LNX2: variants seen among roughly 807,000 people sequenced by gnomAD.
LNX2 encodes the protein ligand of Numb protein X 2.
LNX2 carries 35 observed loss-of-function variants against 66.2 expected under a neutral mutation model. The ratio of observed to expected loss-of-function variants is 0.53; its 90% CI spans 0.40 to 0.70. LNX2 has a LOEUF of 0.70. LNX2 is among the 30% of genes least tolerant of loss of function. The pLI, the probability that LNX2 is intolerant of heterozygous loss-of-function variation, is 0.00. For synonymous variants in LNX2, 337 were observed against 315.6 expected, an observed-to-expected ratio of 1.07 and a Z score of -0.72; for missense variants, 791 against 850.8, an observed-to-expected ratio of 0.93 and a Z score of 0.87.
intron 1 of LNX2, among the ~76,000 whole-genome samples, chr13:27,616,745 G>C (rs1171830596): frequency 2.0e-5 from 3 of 152,180 alleles, no homozygotes; most frequent in Non-Finnish European, 4.4e-5. Context: ...ATGAGCACTT[G>C]CTTGTTAAAA....
chr13:27,616,192 G>GGA (rs1555270612), intron 1 of LNX2, among the ~76,000 whole-genome samples: 1 of 150,666 alleles, frequency 6.6e-6, no homozygotes, highest in Non-Finnish European at 1.5e-5. Flanking sequence ...GGGGTTGGGG[G>GGA]GGGTAGCAGG....
chr13:27,569,315 AAAAC>A lies in LNX2; in HGVS notation c.408-43_408-40del, dbSNP rs754922329. 13 of 1,586,460 alleles carry A rather than the reference AAAAC, an allele frequency of 8.2e-6. No individual in the cohort carries two copies. In the East Asian group the frequency reaches 1.1e-4, roughly 14 times the overall value. Reference sequence around the variant, plus strand: ...ATCAGATGGTTTCCAGATGATTTTGAAAACAAACAAACAAATAAAATAGGGAGGG... The same window carrying A: ...ATCAGATGGTTTCCAGATGATTTTGAAAACAAACAAATAAAATAGGGAGGG... On this transcript the variant is annotated intron_variant, in intron 2 of 9. Transcript: ENST00000316334.
chr13:27,550,604 A>G, intron 8 of LNX2, 113 bp from the exon 9 acceptor site: 5 of 697,020 alleles, frequency 7.2e-6, no homozygotes, highest in South Asian at 2.1e-5. Flanking sequence ...AAAAAGAAAA[A>G]GGGCTATTAA....
intron 1 of LNX2, among the ~76,000 whole-genome samples, chr13:27,612,181 A>C (rs1039286943): frequency 1.3e-5 from 2 of 152,242 alleles, no homozygotes; most frequent in African/African-American, 2.4e-5. Context: ...AGTTGGATAA[A>C]AGGGTTTGTA....
At chr13:27,598,960 C>A (rs561610563) in intron 1 of LNX2, among the ~76,000 whole-genome samples, 8 of 152,092 alleles carry the variant, frequency 5.3e-5, no homozygotes, top group Non-Finnish European at 1.0e-4. Flanking sequence ...GCTGGATGGA[C>A]CTCATTTCTC....
rs1335320857 is a variant in LNX2 at position 27,620,500 on chromosome 13, C to G, written c.-226G>C. Reference sequence around the variant, plus strand: ...CCGGCTCCGCTCCGCCAGGAATCGCCGCCGCCGCCGCCGCCGCCGCGGATT... The same window carrying G: ...CCGGCTCCGCTCCGCCAGGAATCGCGGCCGCCGCCGCCGCCGCCGCGGATT... On this transcript the variant is annotated 5_prime_UTR_variant, in exon 1 of 10. Coordinates refer to ENST00000316334, the MANE Select transcript of LNX2 (RefSeq NM_153371.4). The G allele has an allele frequency of 1.2e-5, 2 of 168,336 alleles. No homozygotes were observed. Among genetic ancestry groups the G allele is most frequent in the African/African-American group, 2.7e-5 (1 of 37,264 alleles). 10.4% of individuals were successfully genotyped at this position (168,336 alleles called of 1,614,324 possible).
At chr13:27,551,507 A>G (rs1955007456) in intron 8 of LNX2, among the ~76,000 whole-genome samples, 1 of 151,940 alleles carries the variant, frequency 6.6e-6, no homozygotes, top group Non-Finnish European at 1.5e-5. Context: ...ATGATAAGGA[A>G]AAAAAAACTC....
chr13:27,571,220 G>T (rs993756311), intron 2 of LNX2, among the ~76,000 whole-genome samples: 12 of 152,120 alleles, frequency 7.9e-5, no homozygotes, highest in Non-Finnish European at 1.8e-4. Flanking sequence ...GACAAAGAGT[G>T]CAAACTTAAC....
At chr13:27,613,726 C>A (rs1955797935) in intron 1 of LNX2, among the ~76,000 whole-genome samples, 1 of 152,064 alleles carries the variant, frequency 6.6e-6, no homozygotes, top group Non-Finnish European at 1.5e-5. Context: ...CGAGACTGTG[C>A]CACTGCACTC....
rs111639798 is a variant in LNX2 at position 27,581,610 on chromosome 13, T to C, written c.94A>G (p.Thr32Ala). The change falls in exon 2 of 10, where the codon ACA becomes GCA. Residue 32 changes from threonine to alanine, a missense_variant. By Grantham distance (58) the Thr-to-Ala change is moderately conservative. Transcript: ENST00000316334. ...TAATTGTACAAATGGTTTTCTCTTG[T>C]CCAGTGCTGTTGGCCACATTCAAAA... ...LCFECGQQHW[T>A]RENHLYNYQN... The C allele has an allele frequency of 1.9e-6, 3 of 1,614,140 alleles. No individual in the cohort carries two copies. Among genetic ancestry groups the C allele is most frequent in the Non-Finnish European group, 2.5e-6 (3 of 1,180,014 alleles).
At chr13:27,563,511 TC>T (rs1324951318) in intron 4 of LNX2, among the ~76,000 whole-genome samples, 1 of 152,122 alleles carries the variant, frequency 6.6e-6, no homozygotes, top group Non-Finnish European at 1.5e-5. Context: ...CTTTATAATC[TC>T]AAAAAAAGTA....
At chr13:27,566,360 C>T (rs1337052300) in intron 4 of LNX2, among the ~76,000 whole-genome samples, 1 of 152,078 alleles carries the variant, frequency 6.6e-6, no homozygotes, top group African/African-American at 2.4e-5. Context: ...TTGTATATTC[C>T]ACGAGGACAG....
chr13:27,554,938 G>A (rs750579455), intron 7 of LNX2, among the ~76,000 whole-genome samples: 1 of 152,280 alleles, frequency 6.6e-6, no homozygotes, highest in Non-Finnish European at 1.5e-5. Context: ...TGGTTGTGAA[G>A]TAGTATCTTA....
At chr13:27,566,958 T>A (rs1195161301) in intron 4 of LNX2, among the ~76,000 whole-genome samples, 1 of 152,176 alleles carries the variant, frequency 6.6e-6, no homozygotes, top group Non-Finnish European at 1.5e-5. Context: ...TCCCCTCATC[T>A]CAACTTGCCC....
rs1488540168 is a variant in LNX2, at chr13:27,550,339, C to A, written c.1931G>T (p.Arg644Ile). 2 of 1,612,412 alleles carry A rather than the reference C, an allele frequency of 1.2e-6. No individual in the cohort carries two copies. Among genetic ancestry groups the A allele is most frequent in the Non-Finnish European group, 1.7e-6 (2 of 1,179,268 alleles). ...VLGTPAYYDG[R>I]LKCGDMIVAV... is the part of the protein sequence containing the mutation. ...TAATTAGAACAAGACTCACTTTAATCTTCCATCATAATAAGCAGGAGTTCC... is the reference window on the plus strand; with the variant it reads ...TAATTAGAACAAGACTCACTTTAATATTCCATCATAATAAGCAGGAGTTCC... The change falls in exon 9 of 10, where the codon AGA becomes ATA. Residue 644 changes from arginine (R) to isoleucine (I), a missense_variant. By Grantham distance (97) the Arg-to-Ile change is moderately conservative. Coordinates refer to ENST00000316334, the MANE Select transcript of LNX2 (RefSeq NM_153371.4).
intron 2 of LNX2, among the ~76,000 whole-genome samples, chr13:27,578,357 T>G (rs951989824): frequency 6.6e-6 from 1 of 152,180 alleles, no homozygotes; most frequent in East Asian, 1.9e-4. Context: ...ACTTACAGAC[T>G]TACCAATTTC....
intron 1 of LNX2, among the ~76,000 whole-genome samples, chr13:27,609,159 C>T (rs9554077): frequency 0.073 from 958 of 13,144 alleles, 19 homozygotes; most frequent in African/African-American, 0.12. Context: ...TTTTTTTTTT[C>T]TTTTTTTTTA....
chr13:27,574,068 G>A (rs1480543734), intron 2 of LNX2, among the ~76,000 whole-genome samples: 1 of 152,106 alleles, frequency 6.6e-6, no homozygotes, highest in East Asian at 1.9e-4. Flanking sequence ...AGAAAAATAT[G>A]AGAATGATGT....
At chr13:27,570,044 T>C (rs1226228673) in intron 2 of LNX2, among the ~76,000 whole-genome samples, 1 of 152,214 alleles carries the variant, frequency 6.6e-6, no homozygotes, top group Non-Finnish European at 1.5e-5. Flanking sequence ...CAAGGAAACA[T>C]TTAAATAAAG....
Sources: gnomAD v4.1 joint callset for allele counts (sites outside exome capture counted in the v4.1 genomes callset) on GRCh38, gnomAD v4.1.1 for gene constraint, MANE v1.5 for transcripts, NCBI Gene and HGNC (gene_info 2026-07-23, HGNC 2026-07-21) for gene names.